Variants in CWC27 observed in about 807,000 individuals in gnomAD.
CWC27 encodes the protein spliceosome-associated protein CWC27 homolog.
Under a neutral mutation model 63.6 loss-of-function variants are expected in CWC27, and 47 were observed. The observed-to-expected ratio is 0.74, with a 90% confidence interval of 0.58 to 0.94. The LOEUF (loss-of-function observed/expected upper bound fraction) is 0.94, where lower values mean the gene tolerates loss of function less well. CWC27 is among the 40% of genes least tolerant of loss of function. CWC27 has a pLI of 0.00. For synonymous variants in CWC27, 175 were observed against 179.8 expected, an observed-to-expected ratio of 0.97 and a Z score of 0.22; for missense variants, 495 against 554.3, an observed-to-expected ratio of 0.89 and a Z score of 1.07.
intron 11 of CWC27, among the ~76,000 whole-genome samples, chr5:64,914,732 C>A (rs1747857748): frequency 6.6e-6 from 1 of 152,108 alleles, no homozygotes; most frequent in Admixed American, 6.6e-5. Context: ...AAAATACACA[C>A]AGTCCATGAT....
At chr5:64,775,199 T>G (rs1291527405) in intron 2 of CWC27, among the ~76,000 whole-genome samples, 2 of 152,172 alleles carry the variant, frequency 1.3e-5, no homozygotes, top group African/African-American at 4.8e-5. Context: ...AATTTACATA[T>G]CTAATTGCCT....
At chr5:65,000,182 T>C (rs960201831) in intron 13 of CWC27, among the ~76,000 whole-genome samples, 2 of 152,098 alleles carry the variant, frequency 1.3e-5, no homozygotes, top group African/African-American at 4.8e-5. Context: ...TTTAACAGGA[T>C]TTTGGTTTTT....
At chr5:64,795,480 C>T (rs1294750029) in intron 7 of CWC27, among the ~76,000 whole-genome samples, 1 of 152,070 alleles carries the variant, frequency 6.6e-6, no homozygotes, top group Non-Finnish European at 1.5e-5. Flanking sequence ...AATATCAAGG[C>T]ATTTGCAGGG....
intron 10 of CWC27, among the ~76,000 whole-genome samples, chr5:64,873,021 T>C (rs889341090): frequency 1.2e-4 from 18 of 152,146 alleles, no homozygotes; most frequent in African/African-American, 4.1e-4. Flanking sequence ...CCTAATGACT[T>C]CAGTTTTTCA....
chr5:65,004,202 C>T (rs1374599337), intron 13 of CWC27, among the ~76,000 whole-genome samples: 2 of 152,036 alleles, frequency 1.3e-5, no homozygotes, highest in South Asian at 2.1e-4. Flanking sequence ...GAATGTATGT[C>T]GCACTCCTTG....
At chr5:64,914,040 A>T (rs1368239985) in intron 11 of CWC27, among the ~76,000 whole-genome samples, 1 of 152,160 alleles carries the variant, frequency 6.6e-6, no homozygotes, top group Non-Finnish European at 1.5e-5. Flanking sequence ...CACATAAAAG[A>T]TAGTGCTGAA....
intron 13 of CWC27, among the ~76,000 whole-genome samples, chr5:65,012,560 T>G (rs979827757): frequency 6.6e-6 from 1 of 152,222 alleles, no homozygotes; most frequent in Non-Finnish European, 1.5e-5. Context: ...ATATTTGGCT[T>G]TGTTTTACCA....
At chr5:64,999,105 A>C (rs577051692) in intron 13 of CWC27, among the ~76,000 whole-genome samples, 11 of 151,282 alleles carry the variant, frequency 7.3e-5, no homozygotes, top group African/African-American at 2.7e-4. Flanking sequence ...GCTCATTCAC[A>C]TTTTGTCTGT....
intron 11 of CWC27, among the ~76,000 whole-genome samples, chr5:64,889,424 A>G (rs966634458): frequency 6.6e-6 from 1 of 152,072 alleles, no homozygotes; most frequent in Non-Finnish European, 1.5e-5. Flanking sequence ...AAAAGTAAAT[A>G]AATAAAATGG....
intron 11 of CWC27, among the ~76,000 whole-genome samples, chr5:64,956,032 G>A (rs1391161678): frequency 6.6e-6 from 1 of 152,020 alleles, no homozygotes; most frequent in Non-Finnish European, 1.5e-5. Flanking sequence ...AAATTTTACT[G>A]CCATTTTATC....
At chr5:65,012,014 A>G (rs1010334709) in intron 13 of CWC27, among the ~76,000 whole-genome samples, 1 of 152,216 alleles carries the variant, frequency 6.6e-6, no homozygotes, top group African/African-American at 2.4e-5. Context: ...CCTTTTCCCA[A>G]AGATGCTCCC....
intron 11 of CWC27, among the ~76,000 whole-genome samples, chr5:64,910,447 CA>C (rs1202530408): frequency 6.6e-6 from 1 of 152,208 alleles, no homozygotes; most frequent in East Asian, 1.9e-4. Flanking sequence ...TCTCAGAGCT[CA>C]AACACCATGC....
At chr5:64,856,119 T>C (rs1746252537) in intron 10 of CWC27, among the ~76,000 whole-genome samples, 1 of 152,114 alleles carries the variant, frequency 6.6e-6, no homozygotes, top group Admixed American at 6.5e-5. Flanking sequence ...ATTAATTATA[T>C]TTTAAAGCAG....
intron 10 of CWC27, among the ~76,000 whole-genome samples, chr5:64,852,153 G>C (rs1746146244): frequency 6.6e-6 from 1 of 152,144 alleles, no homozygotes; most frequent in East Asian, 1.9e-4. Context: ...ATAAGTAACT[G>C]GTTAGAGTGC....
Position 64,788,931 on chromosome 5 carries a change from C to G in CWC27, c.600-20C>G. ...TGACTTTCTCTTTCTTTTTTTTTTT[C>G]TTTCTTTTTTTTGGACTAGAAATTT... On this transcript the variant is annotated intron_variant, in intron 6 of 13. Transcript: ENST00000381070. The G allele has an allele frequency of 7.5e-7, 1 of 1,328,160 alleles. No individual in the cohort carries two copies. Among genetic ancestry groups the G allele is most frequent in the Non-Finnish European group, 1.0e-6 (1 of 983,448 alleles). The allele number at this position is 1,328,160 out of a possible 1,614,324, so 82.3% of individuals were successfully genotyped here.
chr5:64,817,271 T>C (rs4311390), intron 10 of CWC27, among the ~76,000 whole-genome samples: 53,560 of 151,918 alleles, frequency 0.35, 9,885 homozygotes, highest in East Asian at 0.51. Flanking sequence ...TCAAATATCA[T>C]CTTAACAGAG....
intron 11 of CWC27, among the ~76,000 whole-genome samples, chr5:64,937,468 T>C (rs1748380826): frequency 6.6e-6 from 1 of 151,814 alleles, no homozygotes. Flanking sequence ...GAGACTGTTA[T>C]GATTCCTGTT....
chr5:65,012,193 A>G (rs1314130598), intron 13 of CWC27, among the ~76,000 whole-genome samples: 2 of 152,126 alleles, frequency 1.3e-5, no homozygotes, highest in African/African-American at 4.8e-5. Flanking sequence ...TTGACTTTTG[A>G]TGTATTCCCA....
At chr5:64,903,460 A>T (rs1747552132) in intron 11 of CWC27, among the ~76,000 whole-genome samples, 2 of 150,872 alleles carry the variant, frequency 1.3e-5, no homozygotes, top group African/African-American at 4.9e-5. Flanking sequence ...CTCACTCATA[A>T]GTGGGAGTTG....
Sources: gnomAD v4.1 joint callset for allele counts (sites outside exome capture counted in the v4.1 genomes callset) on GRCh38, gnomAD v4.1.1 for gene constraint, MANE v1.5 for transcripts, NCBI Gene and HGNC (gene_info 2026-07-23, HGNC 2026-07-21) for gene names.